Variants in TF observed in about 807,000 individuals in gnomAD.
TF encodes transferrin.
TF carries 55 observed loss-of-function variants against 82.4 expected under a neutral mutation model. The observed-to-expected ratio is 0.67, with a 90% CI of 0.54 to 0.84. The LOEUF (loss-of-function observed/expected upper bound fraction) is 0.84, where lower values mean the gene tolerates loss of function less well. Among genes scored for constraint, TF ranks in the 40% least tolerant of loss-of-function variants. TF has a pLI of 0.00. For synonymous variants in TF, 332 were observed against 332.6 expected, an observed-to-expected ratio of 1.00 and a Z score of 0.02; for missense variants, 737 against 868.4, an observed-to-expected ratio of 0.85 and a Z score of 1.90.
At chr3:133,759,546 G>A (rs1405198936) in intron 9 of TF, among the ~76,000 whole-genome samples, 2 of 152,230 alleles carry the variant, frequency 1.3e-5, no homozygotes, top group East Asian at 3.8e-4. Flanking sequence ...TTGTATGAGT[G>A]TATGGTGAAA....
chr3:133,780,664 T>A lies in TF; in HGVS notation c.*2044T>A, dbSNP rs1934497107. The A allele has an allele frequency of 6.6e-6, 1 of 152,202 alleles. No individual in the cohort carries two copies. Among genetic ancestry groups the A allele is most frequent in the South Asian group, 2.1e-4 (1 of 4,824 alleles). The allele number at this position is 152,202 out of a possible 1,614,324, so 9.4% of individuals were successfully genotyped here. The stretch of plus-strand genomic sequence containing the variant: ...ATAATATTTAAAGAAATGCCAAAAT[T>A]ACTTTTATTTGTAAGTGATTATACA... On this transcript the variant is annotated 3_prime_UTR_variant, in exon 17 of 17. Coordinates refer to ENST00000402696, the MANE Select transcript of TF (RefSeq NM_001063.4).
the TF span, among the ~76,000 whole-genome samples, chr3:133,733,070 A>G: frequency 6.6e-6 from 1 of 152,222 alleles, no homozygotes; most frequent in African/African-American, 2.4e-5. Flanking sequence ...CCTGCCTTGC[A>G]GTGTGAAGAT....
chr3:133,788,351 G>A lies in TF; in HGVS notation c.*9731G>A, dbSNP rs981691847. 2.6e-5 allele frequency: 4 copies of A among 152,186 alleles called. No homozygotes were observed. The highest frequency in any genetic ancestry group is 5.9e-5 in the Non-Finnish European group (4 of 68,042). The allele number at this position is 152,186 out of a possible 1,614,324, so 9.4% of individuals were successfully genotyped here. ...ATAAGGCATATACCAAGTAACCAAT[G>A]GAAACCTTGAGAGGGTATTTAAACC... On this transcript the variant is annotated 3_prime_UTR_variant, in exon 17 of 17. Coordinates refer to ENST00000402696, the MANE Select transcript of TF (RefSeq NM_001063.4).
At chr3:133,752,571 T>C (rs986432775) in intron 2 of TF, among the ~76,000 whole-genome samples, 5 of 151,782 alleles carry the variant, frequency 3.3e-5, no homozygotes, top group Non-Finnish European at 7.4e-5. Flanking sequence ...AGAAAATAAA[T>C]TATAGATCTA....
the TF span, among the ~76,000 whole-genome samples, chr3:133,702,932 C>T: frequency 3.3e-5 from 5 of 151,970 alleles, no homozygotes; most frequent in South Asian, 2.1e-4. Context: ...TATAACATTG[C>T]CTGGCATATA....
chr3:133,789,557 T>A lies in TF; in HGVS notation c.*10937T>A, dbSNP rs960343047. The A allele has an allele frequency of 1.3e-5, 2 of 152,344 alleles. No homozygotes were observed. Among genetic ancestry groups the A allele is most frequent in the African/African-American group, 4.8e-5 (2 of 41,580 alleles). The allele number at this position is 152,344 out of a possible 1,614,324, so 9.4% of individuals were successfully genotyped here. A position where few individuals can be genotyped will look rare whatever the true frequency, so the allele number is the denominator to read the frequency against. On this transcript the variant is annotated 3_prime_UTR_variant, in exon 17 of 17. Transcript: ENST00000402696. ...GTAAAAGCTATTGAATCTTCATTTG[T>A]GTGTGTGTATACACATGTCTAGATG... is the stretch of plus-strand genomic sequence containing the variant.
the TF span, among the ~76,000 whole-genome samples, chr3:133,729,719 A>G: frequency 6.6e-6 from 1 of 152,136 alleles, no homozygotes; most frequent in East Asian, 1.9e-4. Context: ...GGTACCTCAG[A>G]TGGAAATGCA....
chr3:133,693,168 C>T, the TF span, among the ~76,000 whole-genome samples: 15 of 152,208 alleles, frequency 9.9e-5, no homozygotes, highest in African/African-American at 3.6e-4. Flanking sequence ...CCTCCTTATC[C>T]CTAGTCGCTT....
rs530319447 is a variant in TF, at chr3:133,748,002, G to A, written c.44-410G>A. The stretch of plus-strand genomic sequence containing the variant: ...TCAAAAAGATGGCAATTCCTCCCCC[G>A]CTGGTTTTCCATAGTTGAGGTAGCA... On this transcript the variant is annotated intron_variant, in intron 1 of 16. Transcript: ENST00000402696. 4.6e-5 allele frequency: 9 copies of A among 193,846 alleles called. No individual in the cohort carries two copies. The South Asian group carries it at 7.2e-4, about 15-fold the overall frequency. The allele number at this position is 193,846 out of a possible 1,614,324, so 12.0% of individuals were successfully genotyped here. A position where few individuals can be genotyped will look rare whatever the true frequency, so the allele number is the denominator to read the frequency against.
At chr3:133,717,587 G>A in the TF span, among the ~76,000 whole-genome samples, 1 of 152,100 alleles carries the variant, frequency 6.6e-6, no homozygotes, top group Non-Finnish European at 1.5e-5. Flanking sequence ...TAGTGTATTC[G>A]TCCCAATGCT....
Position 133,779,076 on chromosome 3 carries a change from G to A in TF, c.*456G>A. 5.3e-6 allele frequency: 1 copy of A among 187,428 alleles called. No homozygotes were observed. The highest frequency in any genetic ancestry group is 1.1e-5 in the Non-Finnish European group (1 of 89,072). The allele number at this position is 187,428 out of a possible 1,614,324, so 11.6% of individuals were successfully genotyped here. On this transcript the variant is annotated 3_prime_UTR_variant, in exon 17 of 17. Coordinates refer to ENST00000402696, the MANE Select transcript of TF (RefSeq NM_001063.4). ...GAAGGGGCAAGAAGGAGGATGCAGA[G>A]TGAGTTACAGAGATCAAGTACTCAA...
the TF span, among the ~76,000 whole-genome samples, chr3:133,720,242 A>C: frequency 6.6e-6 from 1 of 152,164 alleles, no homozygotes; most frequent in Non-Finnish European, 1.5e-5. Flanking sequence ...GGTCTGTAAT[A>C]GGTGGTCTTT....
chr3:133,696,967 T>C, the TF span, among the ~76,000 whole-genome samples: 2 of 152,226 alleles, frequency 1.3e-5, no homozygotes, highest in Non-Finnish European at 2.9e-5. Context: ...CATGTATATA[T>C]TCACTGTGCT....
the TF span, among the ~76,000 whole-genome samples, chr3:133,683,004 C>T: frequency 6.6e-6 from 1 of 152,198 alleles, no homozygotes; most frequent in Non-Finnish European, 1.5e-5. Context: ...CAGCTGATCT[C>T]GCGGCAGAAA....
At chr3:133,755,601 C>G in intron 5 of TF, 106 bp downstream of exon 5, 1 of 1,513,122 alleles carries the variant, frequency 6.6e-7, no homozygotes, top group Non-Finnish European at 9.0e-7. Context: ...ACAGGGGCAT[C>G]GAGGTGGCCT....
chr3:133,760,960 A>G, intron 9 of TF: 1 of 153,654 alleles, frequency 6.5e-6, no homozygotes, highest in East Asian at 1.9e-4. Context: ...TGAAAGACAT[A>G]GTTTATTTGG....
At chr3:133,698,783 T>G in the TF span, among the ~76,000 whole-genome samples, 1 of 152,224 alleles carries the variant, frequency 6.6e-6, no homozygotes, top group Non-Finnish European at 1.5e-5. Flanking sequence ...TATATGAATT[T>G]ATTGAACCCA....
chr3:133,731,803 G>A, the TF span, among the ~76,000 whole-genome samples: 19 of 152,322 alleles, frequency 1.2e-4, no homozygotes, highest in East Asian at 3.7e-3. Context: ...CCGGTATGAT[G>A]CAGCTACTCA....
At chr3:133,726,211 G>A in the TF span, among the ~76,000 whole-genome samples, 111 of 152,232 alleles carry the variant, frequency 7.3e-4, 1 homozygote, top group Admixed American at 3.4e-3. Context: ...TCTATTGATT[G>A]GAATAGTCTC....
Sources: allele counts gnomAD v4.1 joint callset (sites outside exome capture counted in the v4.1 genomes callset), GRCh38; gene constraint gnomAD v4.1.1; transcripts MANE v1.5; gene names NCBI Gene and HGNC (gene_info 2026-07-23, HGNC 2026-07-21).